Variants in INPP5D observed in about 807,000 individuals in gnomAD.
The protein encoded by INPP5D is phosphatidylinositol 3,4,5-trisphosphate 5-phosphatase 1.
A neutral mutation model predicts 122.9 loss-of-function variants in INPP5D; 33 were observed. The ratio of observed to expected loss-of-function variants is 0.27; its 90% CI spans 0.20 to 0.36. The LOEUF (loss-of-function observed/expected upper bound fraction) is 0.36. Among genes scored for constraint, INPP5D ranks in the 10% least tolerant of loss-of-function variants. INPP5D has a pLI of 1.00. For missense variants in INPP5D, 1,053 were observed against 1,412.7 expected, an observed-to-expected ratio of 0.75 and a Z score of 4.08; for synonymous variants, 584 against 576.2, an observed-to-expected ratio of 1.01 and a Z score of -0.19.
At chr2:233,093,351 T>G (rs546546556) in intron 2 of INPP5D, among the ~76,000 whole-genome samples, 9 of 152,296 alleles carry the variant, frequency 5.9e-5, no homozygotes, top group African/African-American at 2.2e-4. Context: ...CTTTAGAGTC[T>G]GGAATATATT....
chr2:233,060,369 C>T lies in INPP5D; in HGVS notation c.-110C>T. 1.5e-6 allele frequency: 2 copies of T among 1,311,484 alleles called. No homozygotes were observed. Among genetic ancestry groups the T allele is most frequent in the South Asian group, 1.5e-5 (1 of 68,336 alleles). The allele number at this position is 1,311,484 out of a possible 1,614,324, so 81.2% of individuals were successfully genotyped here. A position where few individuals can be genotyped will look rare whatever the true frequency, so the allele number is the denominator to read the frequency against. ...TTAAGCTGGTGGCAGCAGCCGAGGC[C>T]ACCAAGAGGCAACGGGCGGCAGGTT... is the stretch of plus-strand genomic sequence containing the variant. On this transcript the variant is annotated 5_prime_UTR_variant, in exon 1 of 27. Coordinates refer to ENST00000445964, the MANE Select transcript of INPP5D (RefSeq NM_001017915.3).
intron 2 of INPP5D, among the ~76,000 whole-genome samples, chr2:233,121,121 CTT>C (rs369587747): frequency 5.9e-4 from 69 of 117,642 alleles, no homozygotes; most frequent in East Asian, 3.8e-3. Flanking sequence ...TTCTTTCTTT[CTT>C]TTTTTTTTTT....
chr2:233,077,721 G>C (rs1691561914), intron 1 of INPP5D, among the ~76,000 whole-genome samples: 1 of 150,204 alleles, frequency 6.7e-6, no homozygotes, highest in Non-Finnish European at 1.5e-5. Flanking sequence ...TTAGCCAAGT[G>C]TGATGGCAGG....
At chr2:233,131,070 A>C in intron 5 of INPP5D, 2 of 558,862 alleles carry the variant, frequency 3.6e-6, no homozygotes, top group Non-Finnish European at 4.5e-6. Context: ...GTGGGTGGTT[A>C]TGGCCCAAGA....
chr2:233,065,389 C>A (rs1268146787), intron 1 of INPP5D, among the ~76,000 whole-genome samples: 6 of 139,310 alleles, frequency 4.3e-5, no homozygotes, highest in African/African-American at 8.1e-5. Flanking sequence ...TTCACTGCAA[C>A]CTCCGCCTCC....
intron 2 of INPP5D, among the ~76,000 whole-genome samples, chr2:233,101,919 C>G (rs1692326616): frequency 6.6e-6 from 1 of 151,894 alleles, no homozygotes; most frequent in African/African-American, 2.4e-5. Context: ...GCCCATTCTT[C>G]TGAGCTTCAG....
At chr2:233,153,438 G>A (rs1339482413) in intron 9 of INPP5D, among the ~76,000 whole-genome samples, 2 of 152,196 alleles carry the variant, frequency 1.3e-5, no homozygotes, top group African/African-American at 2.4e-5. Context: ...AAAACCCACA[G>A]GGAAAGAGAG....
intron 8 of INPP5D, among the ~76,000 whole-genome samples, 186 bp downstream of exon 8, chr2:233,146,624 C>A (rs1418665214): frequency 1.3e-5 from 2 of 152,180 alleles, no homozygotes; most frequent in African/African-American, 4.8e-5. Context: ...GAACGGGCAC[C>A]CAGAGACAAC....
chr2:233,147,702 G>C, intron 9 of INPP5D, 108 bp downstream of exon 9: 1 of 653,454 alleles, frequency 1.5e-6, no homozygotes, highest in African/African-American at 1.8e-5. Flanking sequence ...TCTTCCGCAC[G>C]CATGCGCGCC....
chr2:233,173,625 CT>C (rs1694547586), intron 17 of INPP5D, among the ~76,000 whole-genome samples: 1 of 151,990 alleles, frequency 6.6e-6, no homozygotes, highest in Non-Finnish European at 1.5e-5. Context: ...TTTACATTGA[CT>C]TTTTTGTTGA....
At chr2:233,148,434 C>G (rs762756972) in intron 9 of INPP5D, among the ~76,000 whole-genome samples, 5 of 152,106 alleles carry the variant, frequency 3.3e-5, no homozygotes, top group Non-Finnish European at 7.3e-5. Context: ...GCGGAGACCC[C>G]GAGGCTGAGA....
Position 233,207,397 on chromosome 2 carries a change from C to T in INPP5D, c.*689C>T, listed in dbSNP as rs1285547419. 1.3e-5 allele frequency: 2 copies of T among 152,666 alleles called. No homozygotes were observed. The highest frequency in any genetic ancestry group is 6.5e-5 in the Admixed American group (1 of 15,276). 9.5% of individuals were successfully genotyped at this position (152,666 alleles called of 1,614,324 possible). A position where few individuals can be genotyped will look rare whatever the true frequency, so the allele number is the denominator to read the frequency against. On this transcript the variant is annotated 3_prime_UTR_variant, in exon 27 of 27. Transcript: ENST00000445964. The surrounding 1 kb of genome is among the most constrained non-coding windows in gnomAD (Gnocchi z 4.6). ...GGTTCCGGCATGGCTAGGCTGAGAGCAGGGATCTACCTGGCTTCTCAGTTC... is the reference window on the plus strand; with the variant it reads ...GGTTCCGGCATGGCTAGGCTGAGAGTAGGGATCTACCTGGCTTCTCAGTTC...
chr2:233,139,693 A>T (rs1433580784), intron 5 of INPP5D, 149 bp from the exon 6 acceptor site: 1 of 389,862 alleles, frequency 2.6e-6, no homozygotes, highest in African/African-American at 2.1e-5. Context: ...GCAAGCCTTG[A>T]TCTTTGCCCG....
chr2:233,099,544 A>G (rs748374974), intron 2 of INPP5D, among the ~76,000 whole-genome samples: 7 of 152,264 alleles, frequency 4.6e-5, no homozygotes, highest in Non-Finnish European at 8.8e-5. Context: ...ACAAAATCAC[A>G]AATGAACCCC....
chr2:233,097,188 G>A (rs150193264), intron 2 of INPP5D, among the ~76,000 whole-genome samples: 1 of 152,072 alleles, frequency 6.6e-6, no homozygotes, highest in Non-Finnish European at 1.5e-5. Context: ...GCCTCCTCCT[G>A]TTCCATTGAT....
At chr2:233,111,720 C>A (rs1237605556) in intron 2 of INPP5D, among the ~76,000 whole-genome samples, 1 of 152,190 alleles carries the variant, frequency 6.6e-6, no homozygotes, top group East Asian at 1.9e-4. Flanking sequence ...AAGCTGGTGG[C>A]TGCCAGGTTA....
At chr2:233,109,550 T>C (rs1051097520) in intron 2 of INPP5D, among the ~76,000 whole-genome samples, 1 of 151,856 alleles carries the variant, frequency 6.6e-6, no homozygotes, top group Non-Finnish European at 1.5e-5. Flanking sequence ...TAGACACTTT[T>C]AGGCAAGATG....
intron 2 of INPP5D, among the ~76,000 whole-genome samples, chr2:233,099,305 C>T (rs997473295): frequency 1.9e-4 from 29 of 152,198 alleles, no homozygotes; most frequent in Non-Finnish European, 2.9e-4. Context: ...TACACCAGCC[C>T]GTTACTCCAG....
intron 17 of INPP5D, among the ~76,000 whole-genome samples, chr2:233,172,410 C>T (rs1451285458): frequency 2.6e-5 from 4 of 152,150 alleles, no homozygotes; most frequent in South Asian, 2.1e-4. Context: ...GATGAGGACG[C>T]GGCAGGGGCA....
Sources: allele counts gnomAD v4.1 joint callset (sites outside exome capture counted in the v4.1 genomes callset), GRCh38; gene constraint gnomAD v4.1.1; non-coding constraint Gnocchi (gnomAD v3.1); transcripts MANE v1.5; gene names NCBI Gene and HGNC (gene_info 2026-07-23, HGNC 2026-07-21).